USP20: variants seen among roughly 807,000 people sequenced by gnomAD.
USP20 encodes ubiquitin specific peptidase 20.
In USP20, 80 loss-of-function variants were observed where a neutral mutation model predicts 124.2. The ratio of observed to expected loss-of-function variants is 0.64; its 90% CI spans 0.54 to 0.78. The LOEUF is 0.78. Among genes scored for constraint, USP20 ranks in the 30% least tolerant of loss-of-function variants. USP20 has a pLI of 0.00. For synonymous variants in USP20, 481 were observed against 512.3 expected (o/e 0.94, Z 0.83); for missense variants, 1,043 against 1,244.4 (o/e 0.84, Z 2.44).
chr9:129,846,247 ATTTTTTTT>A (rs35809246), intron 1 of USP20, among the ~76,000 whole-genome samples: 4 of 32,662 alleles, frequency 1.2e-4, no homozygotes, highest in Non-Finnish European at 1.6e-4. Context: ...ATATATATAT[ATTTTTTTT>A]TTTTTTTTTT....
chr9:129,868,809 C>T (rs1005372035), intron 11 of USP20, 53 bp from the exon 12 acceptor site: 13 of 1,509,130 alleles, frequency 8.6e-6, no homozygotes, highest in South Asian at 6.6e-5. Flanking sequence ...CCTGCCCACT[C>T]GTGGAGCTGG....
rs2033641458 is a variant in USP20 at position 129,863,201 on chromosome 9, G to A, written c.513G>A (p.Gln171=). ...CTGCACCCAGCCCGCCGCTGACTCA[G>A]TTCTTCTTGGAGTGTGGCGGCCTGG... ...QALSNCPPLT[Q]FFLECGGLVR... is the part of the protein sequence containing the mutation. The change falls in exon 9 of 26, where the codon CAG becomes CAA. Residue 171 remains glutamine (Q), a synonymous_variant. Transcript: ENST00000372429. The A allele has an allele frequency of 1.3e-6, 2 of 1,539,864 alleles. No individual in the cohort carries two copies. The highest frequency in any genetic ancestry group is 1.2e-5 in the South Asian group (1 of 83,416).
intron 6 of USP20, among the ~76,000 whole-genome samples, chr9:129,860,349 T>C (rs1409871597): frequency 7.1e-6 from 1 of 141,650 alleles, no homozygotes; most frequent in Non-Finnish European, 1.5e-5. Flanking sequence ...AAAAAAAACG[T>C]CTACATAAGA....
chr9:129,855,649 A>C (rs1035238544), intron 3 of USP20, among the ~76,000 whole-genome samples: 1 of 152,218 alleles, frequency 6.6e-6, no homozygotes, highest in African/African-American at 2.4e-5. Context: ...CGTTTTTGCT[A>C]GTTTGACTAG....
At chr9:129,853,080 G>C (rs1174160600) in intron 3 of USP20, among the ~76,000 whole-genome samples, 1 of 152,088 alleles carries the variant, frequency 6.6e-6, no homozygotes, top group Non-Finnish European at 1.5e-5. Context: ...ACTTGAACAG[G>C]GTTACAAATG....
intron 3 of USP20, among the ~76,000 whole-genome samples, chr9:129,853,080 G>A (rs1174160600): frequency 6.6e-6 from 1 of 152,088 alleles, no homozygotes; most frequent in Non-Finnish European, 1.5e-5. Flanking sequence ...ACTTGAACAG[G>A]GTTACAAATG....
intron 1 of USP20, among the ~76,000 whole-genome samples, chr9:129,845,204 C>T (rs1306296829): frequency 1.3e-5 from 2 of 152,116 alleles, no homozygotes; most frequent in East Asian, 1.9e-4. Context: ...CCCACCCCTT[C>T]TCTGAAAACC....
rs535106237 is a variant in USP20, at chr9:129,860,500, G to T, written c.331-437G>T. Among the ~76,000 whole-genome samples, 4 of 152,132 alleles carry T rather than the reference G, an allele frequency of 2.6e-5. No homozygotes were observed. The East Asian group carries it at 7.7e-4, about 29-fold the overall frequency. ...TGCAAGTCAACATCTGGACACAGTGGCTCATGTTATCCTAACACTTTGGGA... is the reference window on the plus strand; with the variant it reads ...TGCAAGTCAACATCTGGACACAGTGTCTCATGTTATCCTAACACTTTGGGA... On this transcript the variant is annotated intron_variant, in intron 6 of 25. Transcript: ENST00000372429.
chr9:129,848,510 G>A (rs995422025), intron 1 of USP20, among the ~76,000 whole-genome samples: 2 of 151,924 alleles, frequency 1.3e-5, no homozygotes, highest in Admixed American at 6.6e-5. Context: ...TAAATTAGCC[G>A]GGCATGGTGG....
At chr9:129,878,515 T>A (rs1432914130) in intron 23 of USP20, 75 bp downstream of exon 23, 19 of 1,353,338 alleles carry the variant, frequency 1.4e-5, no homozygotes, top group Non-Finnish European at 1.8e-5. Flanking sequence ...AGGGGAGGGC[T>A]GGCACACAGG....
chr9:129,843,417 A>G (rs2032349780), intron 1 of USP20, among the ~76,000 whole-genome samples: 2 of 150,986 alleles, frequency 1.3e-5, no homozygotes, highest in Non-Finnish European at 3.0e-5. Flanking sequence ...GCAACAGACT[A>G]AGACTCTGTC....
At chr9:129,852,402 A>T (rs117450664) in intron 2 of USP20, 138 bp from the exon 3 acceptor site, 1 of 680,136 alleles carries the variant, frequency 1.5e-6, no homozygotes, top group Non-Finnish European at 2.5e-6. Context: ...CAGAGAGGTT[A>T]AGCAACTTCC....
Position 129,874,867 on chromosome 9 carries a change from G to A in USP20, c.1960G>A (p.Gly654Arg), listed in dbSNP as rs2034312758. The change falls in exon 19 of 26, where the codon GGG becomes AGG. Residue 654 changes from glycine (G) to arginine (R), a missense_variant. Transcript: ENST00000372429. Reference protein sequence around the residue: ...YIAYCQNVINGQWYEFDDQYV... With the variant: ...YIAYCQNVINRQWYEFDDQYV... ...CGCCTACTGCCAGAACGTGATCAAT[G>A]GGCAGTGGTACGAGTTTGATGACCA... 3.1e-6 allele frequency: 5 copies of A among 1,614,014 alleles called. No individual in the cohort carries two copies. The highest frequency in any genetic ancestry group is 4.2e-6 in the Non-Finnish European group (5 of 1,180,044).
At chr9:129,873,362 G>C in intron 15 of USP20, 120 bp from the exon 16 acceptor site, 2 of 1,269,398 alleles carry the variant, frequency 1.6e-6, no homozygotes, top group South Asian at 1.2e-5. Context: ...AGGATTACAC[G>C]CATGAGCCAC....
chr9:129,860,325 G>A (rs1387195881), intron 6 of USP20, among the ~76,000 whole-genome samples: 2 of 72,016 alleles, frequency 2.8e-5, no homozygotes, highest in Non-Finnish European at 3.0e-5. Context: ...GCGAGACTCT[G>A]TCTCAAAAAG....
chr9:129,863,773 T>G (rs2033668829), intron 9 of USP20, among the ~76,000 whole-genome samples: 1 of 152,204 alleles, frequency 6.6e-6, no homozygotes, highest in Non-Finnish European at 1.5e-5. Context: ...TAATTTTAAA[T>G]GAGCACATAG....
chr9:129,839,736 T>C lies in USP20; in HGVS notation c.-129+4237T>C, dbSNP rs1564193360. Among the ~76,000 whole-genome samples the C allele has an allele frequency of 1.3e-5, 2 of 151,986 alleles. No individual in the cohort carries two copies. Among genetic ancestry groups the C allele is most frequent in the Admixed American group, 6.5e-5 (1 of 15,274 alleles). ...TGTCGCCCTCCCCATCCTGAGGGAC[T>C]GGTTCCTCGCTGGGAGGAGGAGGAT... On this transcript the variant is annotated intron_variant, in intron 1 of 25. Transcript: ENST00000372429. The surrounding 1 kb of genome is among the most constrained non-coding windows in gnomAD (Gnocchi z 4.5).
rs754999211 is a variant in USP20, at chr9:129,862,563, AG to A, written c.498-622del. Among the ~76,000 whole-genome samples the A allele has an allele frequency of 3.3e-5, 5 of 149,914 alleles. 1 individual carries two copies. Among genetic ancestry groups the A allele is most frequent in the Non-Finnish European group, 4.4e-5 (3 of 67,418 alleles). ...GCGAGACTCCGTCTCAAAAAAAAAA[AG>A]AAAAATTGACCGCACCCAATCCGTT... On this transcript the variant is annotated intron_variant, in intron 8 of 25. Transcript: ENST00000372429.
intron 2 of USP20, 81 bp downstream of exon 2, chr9:129,850,005 G>A (rs1469889150): frequency 1.3e-5 from 2 of 150,922 alleles, no homozygotes; most frequent in East Asian, 3.9e-4. Flanking sequence ...ATGAAAGAAT[G>A]GAATTGTGAT....
Sources: allele counts gnomAD v4.1 joint callset (sites outside exome capture counted in the v4.1 genomes callset), GRCh38; gene constraint gnomAD v4.1.1; non-coding constraint Gnocchi (gnomAD v3.1); transcripts MANE v1.5; gene names NCBI Gene and HGNC (gene_info 2026-07-23, HGNC 2026-07-21).